The following RHBDF2 variants were observed in gnomAD, a reference collection of about 807,000 sequenced individuals.
The protein encoded by RHBDF2 is rhomboid 5 homolog 2.
RHBDF2 carries 38 observed loss-of-function variants against 95.2 expected under a neutral mutation model. That is an observed-to-expected ratio of 0.40 (90% CI 0.31 to 0.52). The LOEUF is 0.52. RHBDF2 is among the 20% of genes least tolerant of loss of function. RHBDF2 has a pLI of 0.56. For missense variants in RHBDF2, 863 were observed against 1,137.7 expected (o/e 0.76, Z 3.47); for synonymous variants, 442 against 462.0 (o/e 0.96, Z 0.55).
At chr17:76,474,163 G>A (rs2073685621) in intron 12 of RHBDF2, 21 bp from the exon 13 acceptor site, 1 of 1,530,646 alleles carries the variant, frequency 6.5e-7, no homozygotes, top group Non-Finnish European at 8.8e-7. Flanking sequence ...GAAGAAGGCT[G>A]GTGGGTCATG....
At chr17:76,473,608 G>A in intron 15 of RHBDF2, 40 bp downstream of exon 15, 2 of 1,525,068 alleles carry the variant, frequency 1.3e-6, no homozygotes, top group Non-Finnish European at 1.8e-6. Context: ...CAGCTCGGGG[G>A]GGCAGTGGGA....
At position 76,472,025 on chromosome 17, in the gene RHBDF2, G is replaced by C; in HGVS notation, c.2092C>G (p.Leu698Val). 1 of 1,571,446 alleles carries C rather than the reference G, an allele frequency of 6.4e-7. No individual in the cohort carries two copies. Among genetic ancestry groups the C allele is most frequent in the East Asian group, 2.3e-5 (1 of 43,058 alleles). ...AGCTCCACGAAGAGGCAGGCGAGGA[G>C]GCCGAACTGTGAGCCGGCCGGGCCC... ...EVGPAGSQFG[L>V]LACLFVELFQ... Residue 698 changes from leucine (L) to valine (V), a missense_variant, in exon 19 of 19, where the codon CTC (leucine) becomes GTC (valine). By Grantham distance (32) the Leu-to-Val change is conservative. This residue lies in a region of RHBDF2 where 252 missense variants were observed against 412.2 expected (regional missense o/e 0.61). Transcript: ENST00000675367.
Position 76,477,910 on chromosome 17 carries a change from C to T in RHBDF2, c.673-125G>A, listed in dbSNP as rs1360008644. 7.3e-5 allele frequency: 104 copies of T among 1,416,350 alleles called. 1 individual carries two copies. Among genetic ancestry groups the T allele is most frequent in the African/African-American group, 1.4e-5 (1 of 69,822 alleles). 87.7% of individuals were successfully genotyped at this position (1,416,350 alleles called of 1,614,324 possible). ...CAGCGCCTTGGGAGGAGGGATCCTG[C>T]CCAAAGCGTGGAGATTCTGCAAGCT... On this transcript the variant is annotated intron_variant, in intron 6 of 18. Coordinates refer to ENST00000675367, the MANE Select transcript of RHBDF2 (RefSeq NM_001005498.4).
intron 18 of RHBDF2, 32 bp downstream of exon 18, chr17:76,472,654 T>C: frequency 6.2e-7 from 1 of 1,613,464 alleles, no homozygotes; most frequent in Non-Finnish European, 8.5e-7. Context: ...GCCCCCTATG[T>C]GCGGAAGGGG....
chr17:76,496,001 C>T lies in RHBDF2; in HGVS notation c.-220+5352G>A, dbSNP rs185489734. ...TGGCCCACACCTTGCTTCGGGGCAG[C>T]GTGGAGCTCTCTTGCTGAGGAATGA... On this transcript the variant is annotated intron_variant, in intron 1 of 18. Transcript: ENST00000675367. Among the ~76,000 whole-genome samples, 10 of 152,220 alleles carry T rather than the reference C, an allele frequency of 6.6e-5. No homozygotes were observed. In the South Asian group the frequency reaches 1.0e-3, roughly 16 times the overall value.
In RHBDF2 at chr17:76,478,872, G is replaced by A. The variant is rs1260320897; in HGVS notation, c.606C>T (p.His202=). The A allele has an allele frequency of 6.2e-7, 1 of 1,613,586 alleles. No homozygotes were observed. Among genetic ancestry groups the A allele is most frequent in the African/African-American group, 1.3e-5 (1 of 75,054 alleles). Residue 202 remains histidine (H), a synonymous_variant, in exon 6 of 19, where the codon CAC becomes CAT. Transcript: ENST00000675367. ...CAGACATTCTCTTGCGGCGTGGCAG[G>A]TGGGAGTAGCCAGAACGGACACTGG... ...SFTSVRSGYS[H]LPRRKRMSVA... is the part of the protein sequence containing the mutation.
chr17:76,481,970 C>CACACACAG (rs2073982275), intron 2 of RHBDF2: 3 of 96,360 alleles, frequency 3.1e-5, no homozygotes, highest in Non-Finnish European at 7.5e-5. Context: ...CACACACACA[C>CACACACAG]ACACACACAC....
At chr17:76,474,652 G>C in intron 11 of RHBDF2, 78 bp downstream of exon 11, 1 of 1,612,614 alleles carries the variant, frequency 6.2e-7, no homozygotes, top group Non-Finnish European at 8.5e-7. Context: ...GGTGGGTGAG[G>C]AGCCCACCTG....
chr17:76,479,270 C>G lies in RHBDF2; in HGVS notation c.280G>C (p.Ala94Pro), dbSNP rs748711322. The G allele has an allele frequency of 6.3e-7, 1 of 1,597,536 alleles. No individual in the cohort carries two copies. The highest frequency in any genetic ancestry group is 1.3e-5 in the African/African-American group (1 of 74,940). ...TCGCCGCTGACTCCAAACCACTGGGCTGCGCCCCTGCGGAAGCAGACAAGG... is the reference window on the plus strand; with the variant it reads ...TCGCCGCTGACTCCAAACCACTGGGGTGCGCCCCTGCGGAAGCAGACAAGG... ...SLSQSIRKGAAQWFGVSGDWE... is the reference protein window; with the variant it reads ...SLSQSIRKGAPQWFGVSGDWE... Residue 94 changes from alanine to proline, a missense_variant, in exon 5 of 19, where the codon GCC (alanine) becomes CCC (proline). Coordinates refer to ENST00000675367, the MANE Select transcript of RHBDF2 (RefSeq NM_001005498.4).
chr17:76,493,797 G>A (rs1445891553), intron 1 of RHBDF2, among the ~76,000 whole-genome samples: 1 of 152,238 alleles, frequency 6.6e-6, no homozygotes, highest in Admixed American at 6.5e-5. Context: ...GAAACAAAAC[G>A]GCCTGTGGGT....
At chr17:76,472,076 G>A (rs1371454262) in intron 18 of RHBDF2, 24 bp from the exon 19 acceptor site, 7 of 1,534,084 alleles carry the variant, frequency 4.6e-6, no homozygotes, top group Admixed American at 4.0e-5. Context: ...GGGGAGACGT[G>A]GCTTCAGGCA....
rs1409270010 is a variant in RHBDF2 at position 76,471,481 on chromosome 17, GCCTCGC to G, written c.*146_*151del. ...TAACCAACCATCTCACGCGGAGTCAGCCTCGCCTGGCAGGGGGGCACCCAGGTCCAG... is the reference window on the plus strand; with the variant it reads ...TAACCAACCATCTCACGCGGAGTCAGCTGGCAGGGGGGCACCCAGGTCCAG... On this transcript the variant is annotated 3_prime_UTR_variant, in exon 19 of 19. Transcript: ENST00000675367. 10 of 838,874 alleles carry G rather than the reference GCCTCGC, an allele frequency of 1.2e-5. No homozygotes were observed. In the East Asian group the frequency reaches 2.4e-4, roughly 20 times the overall value. 52.0% of individuals were successfully genotyped at this position (838,874 alleles called of 1,614,324 possible).
Position 76,472,047 on chromosome 17 carries a change from G to A in RHBDF2, c.2070C>T (p.Gly690=). ...AIFLPYRAEV[G]PAGSQFGLLA... is the part of the protein sequence containing the mutation. The stretch of plus-strand genomic sequence containing the variant: ...GGAGGCCGAACTGTGAGCCGGCCGG[G>A]CCCACCTGGGGCGGGGCAGGGGAGA... Residue 690 remains glycine, a synonymous_variant, in exon 19 of 19, where the codon GGC becomes GGT. Transcript: ENST00000675367. 1 of 1,559,682 alleles carries A rather than the reference G, an allele frequency of 6.4e-7. No homozygotes were observed. Among genetic ancestry groups the A allele is most frequent in the Non-Finnish European group, 8.7e-7 (1 of 1,152,462 alleles).
chr17:76,479,887 T>C (rs2073896514), intron 3 of RHBDF2, 33 bp from the exon 4 acceptor site: 1 of 1,609,766 alleles, frequency 6.2e-7, no homozygotes, highest in Non-Finnish European at 8.5e-7. Flanking sequence ...CAGGCGGTGG[T>C]GTGTGCAGCC....
rs187304594 is a variant in RHBDF2, at chr17:76,472,382, C to A, written c.2064+304G>T. 1.9e-4 allele frequency: 113 copies of A among 584,616 alleles called. No homozygotes were observed. In the East Asian group the frequency reaches 2.9e-3, roughly 15 times the overall value. 36.2% of individuals were successfully genotyped at this position (584,616 alleles called of 1,614,324 possible). On this transcript the variant is annotated intron_variant, in intron 18 of 18. Coordinates refer to ENST00000675367, the MANE Select transcript of RHBDF2 (RefSeq NM_001005498.4). Reference sequence around the variant, plus strand: ...AGTCAGGTGGAACTGATCAGACTGCCGACGGCGCACGGAGGCCATTTCCTA... The same window carrying A: ...AGTCAGGTGGAACTGATCAGACTGCAGACGGCGCACGGAGGCCATTTCCTA...
chr17:76,472,178 G>A, intron 18 of RHBDF2, 126 bp from the exon 19 acceptor site: 1 of 916,274 alleles, frequency 1.1e-6, no homozygotes. Context: ...AGGCTGAGGG[G>A]CAGGGGGTCG....
At chr17:76,483,233 C>T (rs1040045043) in intron 2 of RHBDF2, among the ~76,000 whole-genome samples, 5 of 152,142 alleles carry the variant, frequency 3.3e-5, no homozygotes, top group African/African-American at 1.2e-4. Flanking sequence ...ATCATTTTAC[C>T]TGCATTGTAG....
At chr17:76,492,008 C>T (rs2093708729) in intron 1 of RHBDF2, among the ~76,000 whole-genome samples, 1 of 152,210 alleles carries the variant, frequency 6.6e-6, no homozygotes. Flanking sequence ...TCTCTAAGAC[C>T]CCCAGGCCCG....
intron 1 of RHBDF2, among the ~76,000 whole-genome samples, chr17:76,498,983 A>G (rs920370742): frequency 6.6e-6 from 1 of 151,696 alleles, no homozygotes; most frequent in Non-Finnish European, 1.5e-5. Context: ...CTGGGTTCAC[A>G]CCCGAGCTCC....
Sources: gnomAD v4.1 joint callset for allele counts (sites outside exome capture counted in the v4.1 genomes callset) on GRCh38, gnomAD v4.1.1 for gene constraint, gnomAD v4.1.1 regional missense constraint, MANE v1.5 for transcripts, NCBI Gene and HGNC (gene_info 2026-07-23, HGNC 2026-07-21) for gene names.